Variants in RGS7 observed in about 807,000 individuals in gnomAD.
RGS7 encodes the protein regulator of G protein signaling 7.
Under a neutral mutation model 81.1 loss-of-function variants are expected in RGS7, and 27 were observed. The observed-to-expected ratio is 0.33, with a 90% CI of 0.25 to 0.46. RGS7 has a LOEUF of 0.46. Ranked by LOEUF, RGS7 falls within the 20% of genes least tolerant of loss-of-function variation. The pLI is 1.00. For missense variants in RGS7, 396 were observed against 607.4 expected (o/e 0.65, Z 3.66); for synonymous variants, 208 against 207.7 (o/e 1.00, Z -0.01).
intron 3 of RGS7, among the ~76,000 whole-genome samples, chr1:241,025,986 G>A (rs1465703876): frequency 6.6e-6 from 1 of 152,106 alleles, no homozygotes; most frequent in Non-Finnish European, 1.5e-5. Context: ...ATAGTAATGT[G>A]GACATACTTT....
intron 3 of RGS7, among the ~76,000 whole-genome samples, chr1:241,033,151 G>A (rs2060163345): frequency 6.6e-6 from 1 of 152,192 alleles, no homozygotes; most frequent in South Asian, 2.1e-4. Context: ...AGGAGTTCGA[G>A]ACCAGCCTGG....
At chr1:240,934,554 A>C (rs1676262573) in intron 5 of RGS7, among the ~76,000 whole-genome samples, 1 of 152,158 alleles carries the variant, frequency 6.6e-6, no homozygotes, top group Admixed American at 6.5e-5. Flanking sequence ...GTTTTTTAAA[A>C]TCTTGGTTTC....
intron 2 of RGS7, among the ~76,000 whole-genome samples, chr1:241,323,324 G>GT (rs2081312494): frequency 6.6e-6 from 1 of 152,216 alleles, no homozygotes; most frequent in Admixed American, 6.5e-5. Context: ...TGTGATGTAT[G>GT]TTTGCAAGAT....
intron 6 of RGS7, among the ~76,000 whole-genome samples, chr1:240,928,555 C>T (rs181782907): frequency 1.8e-4 from 27 of 151,016 alleles, no homozygotes; most frequent in Admixed American, 4.6e-4. Context: ...GATGACACAA[C>T]AGATGGGCAG....
chr1:241,266,955 A>G (rs1450124856), intron 2 of RGS7, among the ~76,000 whole-genome samples: 1 of 152,192 alleles, frequency 6.6e-6, no homozygotes, highest in African/African-American at 2.4e-5. Context: ...TGGCCTCTGT[A>G]TGTACCGTGA....
intron 6 of RGS7, among the ~76,000 whole-genome samples, chr1:240,873,784 C>T (rs1478413421): frequency 2.0e-5 from 3 of 152,136 alleles, no homozygotes; most frequent in Non-Finnish European, 4.4e-5. Context: ...TTCACCAAGA[C>T]TAGAACTACA....
chr1:241,232,469 A>C (rs558851010), intron 2 of RGS7, among the ~76,000 whole-genome samples: 2 of 152,176 alleles, frequency 1.3e-5, no homozygotes, highest in African/African-American at 4.8e-5. Flanking sequence ...AGCCTCACAA[A>C]GTGTTGGGAT....
chr1:241,355,912 G>A (rs1391952221), intron 1 of RGS7, 86 bp from the exon 2 acceptor site: 5 of 760,482 alleles, frequency 6.6e-6, no homozygotes, highest in Non-Finnish European at 2.3e-6. Flanking sequence ...ACCCCACATG[G>A]CGCGTTCTTA....
At chr1:240,867,707 G>A (rs905604270) in intron 9 of RGS7, among the ~76,000 whole-genome samples, 1 of 152,098 alleles carries the variant, frequency 6.6e-6, no homozygotes, top group Non-Finnish European at 1.5e-5. Flanking sequence ...TAGGTTTTAA[G>A]AAAGAAAATC....
chr1:240,802,349 C>A (rs371372988), intron 16 of RGS7, among the ~76,000 whole-genome samples: 24 of 152,088 alleles, frequency 1.6e-4, no homozygotes, highest in Admixed American at 6.6e-4. Flanking sequence ...TACTACAATA[C>A]CCCCATAATG....
intron 6 of RGS7, among the ~76,000 whole-genome samples, chr1:240,897,367 A>G (rs1010543029): frequency 1.1e-4 from 17 of 152,198 alleles, no homozygotes; most frequent in Non-Finnish European, 2.4e-4. Flanking sequence ...GCCAGTTTTC[A>G]AAGGGAATGC....
At chr1:241,238,600 T>C (rs559277124) in intron 2 of RGS7, among the ~76,000 whole-genome samples, 103 of 152,212 alleles carry the variant, frequency 6.8e-4, no homozygotes, top group Middle Eastern at 3.4e-3. Context: ...AGTGGTACAA[T>C]TATAGCTCAC....
At chr1:241,295,477 A>G (rs1368045545) in intron 2 of RGS7, among the ~76,000 whole-genome samples, 1 of 151,740 alleles carries the variant, frequency 6.6e-6, no homozygotes, top group Non-Finnish European at 1.5e-5. Context: ...AAAAAAAGAT[A>G]TGTTTACAAA....
In RGS7 at chr1:241,306,895, A is replaced by T. The variant is rs369861689; in HGVS notation, c.78+48804T>A. 6.6e-5 allele frequency among the ~76,000 whole-genome samples: 10 copies of T among 152,318 alleles called. No individual in the cohort carries two copies. The East Asian group carries it at 1.9e-3, about 29-fold the overall frequency. ...GGAACAGAAGCGGTTAACTGGCAAAACATGTTATGTGAATGGCGTCCCAGT... is the reference window on the plus strand; with the variant it reads ...GGAACAGAAGCGGTTAACTGGCAAATCATGTTATGTGAATGGCGTCCCAGT... On this transcript the variant is annotated intron_variant, in intron 2 of 18. Coordinates refer to ENST00000440928, the MANE Select transcript of RGS7 (RefSeq NM_001364886.1).
chr1:240,800,599 G>A, intron 18 of RGS7, 42 bp downstream of exon 18: 1 of 1,255,256 alleles, frequency 8.0e-7, no homozygotes, highest in Non-Finnish European at 1.1e-6. Context: ...CAACTCAACA[G>A]ACAATGCAGA....
intron 2 of RGS7, among the ~76,000 whole-genome samples, chr1:241,118,550 C>T (rs1481854932): frequency 6.6e-6 from 1 of 151,786 alleles, no homozygotes; most frequent in African/African-American, 2.4e-5. Flanking sequence ...GGGTATTTAC[C>T]CAAGGAAATC....
chr1:240,945,599 T>A (rs979844396), intron 4 of RGS7, among the ~76,000 whole-genome samples: 3 of 152,216 alleles, frequency 2.0e-5, no homozygotes, highest in African/African-American at 7.2e-5. Context: ...ATTTGAACCA[T>A]AATGAATGAT....
intron 2 of RGS7, among the ~76,000 whole-genome samples, chr1:241,196,839 T>C (rs1173276395): frequency 6.6e-6 from 1 of 151,866 alleles, no homozygotes; most frequent in African/African-American, 2.4e-5. Context: ...TTGGTAAAAA[T>C]AGTAATTTAT....
intron 3 of RGS7, among the ~76,000 whole-genome samples, chr1:241,018,768 C>T (rs144002509): frequency 6.8e-4 from 103 of 152,112 alleles, no homozygotes; most frequent in African/African-American, 2.4e-3. Flanking sequence ...AGAGGTTTTT[C>T]CTCTACTTTC....
Sources: allele counts gnomAD v4.1 joint callset (sites outside exome capture counted in the v4.1 genomes callset), GRCh38; gene constraint gnomAD v4.1.1; transcripts MANE v1.5; gene names NCBI Gene and HGNC (gene_info 2026-07-23, HGNC 2026-07-21).